ASIP: variants seen among roughly 807,000 people sequenced by gnomAD.
The protein encoded by ASIP is agouti signaling protein, also known as agouti-signaling protein.
Under a neutral mutation model 10.3 loss-of-function variants are expected in ASIP, and 11 were observed. The ratio of observed to expected loss-of-function variants is 1.07; its 90% CI spans 0.68 to 1.78. ASIP has a LOEUF of 1.78. Among genes scored for constraint, ASIP ranks in the 40% most tolerant of loss-of-function variants. The pLI is 0.00. For synonymous variants in ASIP, 70 were observed against 70.8 expected (o/e 0.99, Z 0.06); for missense variants, 180 against 169.2 (o/e 1.06, Z -0.35).
chr20:34,210,053 C>A (rs1021030832), intron 1 of ASIP, among the ~76,000 whole-genome samples: 2 of 152,228 alleles, frequency 1.3e-5, no homozygotes, highest in Non-Finnish European at 2.9e-5. Context: ...ACTCCAGGGC[C>A]TCCTCTGAGC....
chr20:34,192,623 A>C (rs541793104), upstream of ASIP, among the ~76,000 whole-genome samples: 1 of 149,802 alleles, frequency 6.7e-6, no homozygotes, highest in South Asian at 2.1e-4. Flanking sequence ...GGAATGGTCT[A>C]TTCTTTTGTG....
At chr20:34,210,034 G>A (rs1211613822) in intron 1 of ASIP, among the ~76,000 whole-genome samples, 1 of 152,162 alleles carries the variant, frequency 6.6e-6, no homozygotes, top group Admixed American at 6.5e-5. Flanking sequence ...CTACAGAGAG[G>A]AGCTGCCCAC....
At chr20:34,239,111 C>A (rs558095182), upstream of ASIP, among the ~76,000 whole-genome samples, 2 of 152,316 alleles carry the variant, frequency 1.3e-5, no homozygotes, top group South Asian at 2.1e-4. Context: ...AACTTGATAT[C>A]TTTTCTGCTT....
At chr20:34,267,189 G>A (rs1215970021) in intron 3 of ASIP, among the ~76,000 whole-genome samples, 1 of 152,120 alleles carries the variant, frequency 6.6e-6, no homozygotes, top group East Asian at 1.9e-4. Flanking sequence ...TTACATTCTT[G>A]TGGAGAAAAC....
chr20:34,215,660 AGTT>A lies in ASIP; in HGVS notation c.-11+20908_-11+20910del, dbSNP rs1375603373. On this transcript the variant is annotated intron_variant, in intron 1 of 3. Transcript: ENST00000568305. ...CCATGATATGAGCGTCTCCCTAATT[AGTT>A]GTTGTTGAACAGTGGTTAGTTCTGA... is the stretch of plus-strand genomic sequence containing the variant. 1.4e-5 allele frequency: 21 copies of A among 1,459,762 alleles called. No individual in the cohort carries two copies. The East Asian group carries it at 1.8e-4, about 13-fold the overall frequency. 90.4% of individuals were successfully genotyped at this position (1,459,762 alleles called of 1,614,324 possible).
chr20:34,207,739 TCATATGGATATC>T (rs2034946539), intron 1 of ASIP, among the ~76,000 whole-genome samples: 1 of 152,054 alleles, frequency 6.6e-6, no homozygotes. Flanking sequence ...TAATTCTTCT[TCATATGGATATC>T]CAGTTTTTCC....
At chr20:34,244,043 C>G (rs1468506957) in intron 1 of ASIP, among the ~76,000 whole-genome samples, 6 of 152,036 alleles carry the variant, frequency 3.9e-5, no homozygotes, top group African/African-American at 1.4e-4. Context: ...CCAGCCTGGG[C>G]GACAGAGTGA....
chr20:34,254,894 A>G (rs2035542237), intron 1 of ASIP, among the ~76,000 whole-genome samples: 1 of 152,158 alleles, frequency 6.6e-6, no homozygotes, highest in South Asian at 2.1e-4. Context: ...GATTTACTCC[A>G]CTGAGACTTT....
At chr20:34,254,654 T>C (rs1301196831) in intron 1 of ASIP, among the ~76,000 whole-genome samples, 1 of 152,204 alleles carries the variant, frequency 6.6e-6, no homozygotes, top group Non-Finnish European at 1.5e-5. Context: ...AGCATTAATA[T>C]TTTCATTATA....
At chr20:34,266,865 A>G (rs1038121303) in intron 3 of ASIP, among the ~76,000 whole-genome samples, 17 of 152,202 alleles carry the variant, frequency 1.1e-4, no homozygotes, top group African/African-American at 3.9e-4. Context: ...ACAGGTTCCC[A>G]CTTTGGGAAA....
chr20:34,252,794 T>C (rs1434068607), intron 1 of ASIP, among the ~76,000 whole-genome samples: 1 of 152,204 alleles, frequency 6.6e-6, no homozygotes, highest in African/African-American at 2.4e-5. Context: ...ACCCAGGCTT[T>C]CTTGGGCAGA....
intron 1 of ASIP, among the ~76,000 whole-genome samples, chr20:34,220,629 T>C (rs901232973): frequency 2.0e-5 from 3 of 149,818 alleles, no homozygotes; most frequent in Non-Finnish European, 3.0e-5. Flanking sequence ...CAAGGTGTCA[T>C]GAGACCATGG....
At chr20:34,215,473 T>C (rs1449470674) in intron 1 of ASIP, 1 of 1,527,266 alleles carries the variant, frequency 6.5e-7, no homozygotes, top group Non-Finnish European at 9.1e-7. Flanking sequence ...CAGGTACAGA[T>C]CTACTCCCCT....
At chr20:34,256,650 AT>A (rs1446882650) in intron 1 of ASIP, among the ~76,000 whole-genome samples, 1 of 152,108 alleles carries the variant, frequency 6.6e-6, no homozygotes, top group Non-Finnish European at 1.5e-5. Flanking sequence ...CTTTGTAGAA[AT>A]TCCCATTACA....
At chr20:34,240,643 A>G (rs1221377242), upstream of ASIP, among the ~76,000 whole-genome samples, 2 of 151,878 alleles carry the variant, frequency 1.3e-5, no homozygotes, top group African/African-American at 4.8e-5. Flanking sequence ...TCCACCAACT[A>G]CTCCTTAACT....
At chr20:34,212,160 T>C (rs1189435647) in intron 1 of ASIP, among the ~76,000 whole-genome samples, 1 of 152,224 alleles carries the variant, frequency 6.6e-6, no homozygotes, top group Non-Finnish European at 1.5e-5. Context: ...CTGAGTCTAA[T>C]TTATTATTAA....
chr20:34,237,844 TG>T (rs2035230710), upstream of ASIP, among the ~76,000 whole-genome samples: 1 of 152,106 alleles, frequency 6.6e-6, no homozygotes, highest in Non-Finnish European at 1.5e-5. Flanking sequence ...GTTTGTGGAG[TG>T]TTTTTTTTTA....
chr20:34,225,797 G>A (rs1206524468), intron 1 of ASIP, among the ~76,000 whole-genome samples: 1 of 151,902 alleles, frequency 6.6e-6, no homozygotes, highest in Non-Finnish European at 1.5e-5. Flanking sequence ...GGGTGTGAAT[G>A]AGATTTGTTT....
chr20:34,199,468 A>T (rs184887447), intron 1 of ASIP, among the ~76,000 whole-genome samples: 1 of 152,232 alleles, frequency 6.6e-6, no homozygotes, highest in African/African-American at 2.4e-5. Context: ...TTACATCCTC[A>T]TCAGTGGTTG....
Sources: allele counts gnomAD v4.1 joint callset (sites outside exome capture counted in the v4.1 genomes callset), GRCh38; gene constraint gnomAD v4.1.1; transcripts MANE v1.5; gene names NCBI Gene and HGNC (gene_info 2026-07-23, HGNC 2026-07-21).